GREB1L: variants seen among roughly 807,000 people sequenced by gnomAD.
The protein encoded by GREB1L is GREB1-like protein.
A neutral mutation model predicts 200.8 loss-of-function variants in GREB1L; 17 were observed. The ratio of observed to expected loss-of-function variants is 0.08; its 90% CI spans 0.06 to 0.13. The LOEUF is 0.13. Among genes scored for constraint, GREB1L ranks in the 10% least tolerant of loss-of-function variants. GREB1L has a pLI of 1.00. For synonymous variants in GREB1L, 789 were observed against 893.0 expected, an observed-to-expected ratio of 0.88 and a Z score of 2.08; for missense variants, 1,657 against 2,367.7, an observed-to-expected ratio of 0.70 and a Z score of 6.23.
In GREB1L at chr18:21,454,380, A is replaced by G. The variant is rs1378844394; in HGVS notation, c.1999A>G (p.Thr667Ala). Residue 667 changes from threonine (T) to alanine (A), a missense_variant, in exon 15 of 33, where the codon ACC (threonine) becomes GCC (alanine). Physicochemically the swap from Thr to Ala is moderately conservative, Grantham distance 58. Coordinates refer to ENST00000424526, the MANE Select transcript of GREB1L (RefSeq NM_001142966.3). ...TTAAATTTTAGATTTAGATAATGAA[A>G]CCTTCCACATTTATCAACCGCAGCT... ...PTQNLDLDNE[T>A]FHIYQPQLTV... 3 of 1,550,656 alleles carry G rather than the reference A, an allele frequency of 1.9e-6. No homozygotes were observed. Among genetic ancestry groups the G allele is most frequent in the Non-Finnish European group, 2.6e-6 (3 of 1,146,226 alleles).
intron 18 of GREB1L, 62 bp downstream of exon 18, chr18:21,485,815 C>T (rs1367539186): frequency 6.7e-7 from 1 of 1,502,524 alleles, no homozygotes; most frequent in Non-Finnish European, 9.0e-7. Flanking sequence ...CTAAAATAGC[C>T]AAAAGCCTTT....
chr18:21,243,031 TC>T (rs980628992), intron 1 of GREB1L, among the ~76,000 whole-genome samples: 7 of 152,118 alleles, frequency 4.6e-5, no homozygotes, highest in Non-Finnish European at 8.8e-5. Flanking sequence ...GCGCGTGTCT[TC>T]CGGCCAGCAT....
At chr18:21,482,422 T>C (rs894625079) in intron 17 of GREB1L, among the ~76,000 whole-genome samples, 4 of 152,146 alleles carry the variant, frequency 2.6e-5, no homozygotes, top group African/African-American at 9.7e-5. Context: ...CACGCTCGGC[T>C]AATTTTTTAT....
chr18:21,276,229 T>C (rs2038161087), intron 1 of GREB1L, among the ~76,000 whole-genome samples: 1 of 152,220 alleles, frequency 6.6e-6, no homozygotes, highest in Non-Finnish European at 1.5e-5. Flanking sequence ...CGACACCACC[T>C]CTTCCGTGGT....
intron 28 of GREB1L, among the ~76,000 whole-genome samples, chr18:21,514,628 T>TTTGTAGAGATGTTGCCCAGTCTGGTG (rs2037353772): frequency 2.0e-5 from 3 of 152,320 alleles, no homozygotes; most frequent in Admixed American, 6.5e-5. Flanking sequence ...TTTATAATTT[T>TTTGTAGAGATGTTGCCCAGTCTGGTG]TTGTAGAGAT....
intron 1 of GREB1L, among the ~76,000 whole-genome samples, chr18:21,302,563 C>T (rs2038634356): frequency 6.6e-6 from 1 of 152,172 alleles, no homozygotes; most frequent in Admixed American, 6.5e-5. Flanking sequence ...AGAAGGACTT[C>T]CTTACTGTAC....
intron 1 of GREB1L, among the ~76,000 whole-genome samples, chr18:21,333,577 A>C (rs1293359208): frequency 2.6e-5 from 4 of 151,994 alleles, no homozygotes; most frequent in African/African-American, 9.7e-5. Flanking sequence ...TGGGAGGCTA[A>C]GGCAGGAGAA....
rs1272721505 is a variant in GREB1L, at chr18:21,518,150, C to T, written c.5388C>T (p.Ala1796=). Residue 1796 remains alanine, a synonymous_variant, in exon 31 of 33, where the codon GCC becomes GCT. Transcript: ENST00000424526. ...TCCTGGAGAAATTCCTTCAGCACGC[C>T]TCATATAAACTCTTCCCCAAAGCCA... ...QFLLEKFLQH[A]SYKLFPKAIH... is the part of the protein sequence containing the mutation. The T allele has an allele frequency of 1.3e-6, 2 of 1,551,564 alleles. No homozygotes were observed. Among genetic ancestry groups the T allele is most frequent in the East Asian group, 2.4e-5 (1 of 40,932 alleles).
At chr18:21,422,331 A>T (rs1300189772) in intron 7 of GREB1L, among the ~76,000 whole-genome samples, 1 of 152,178 alleles carries the variant, frequency 6.6e-6, no homozygotes, top group Non-Finnish European at 1.5e-5. Context: ...ATATTTCAAA[A>T]ATACCTATGT....
intron 25 of GREB1L, among the ~76,000 whole-genome samples, chr18:21,506,279 C>T (rs543299470): frequency 6.6e-6 from 1 of 152,102 alleles, no homozygotes; most frequent in African/African-American, 2.4e-5. Context: ...CCTGTAATCC[C>T]AGCTACTCAG....
intron 7 of GREB1L, among the ~76,000 whole-genome samples, chr18:21,406,696 G>A (rs746933413): frequency 1.4e-4 from 21 of 152,140 alleles, no homozygotes; most frequent in Non-Finnish European, 2.8e-4. Flanking sequence ...GTCAGTGACT[G>A]TCTGTAATCA....
At chr18:21,421,229 C>T (rs2032120311) in intron 7 of GREB1L, among the ~76,000 whole-genome samples, 1 of 152,142 alleles carries the variant, frequency 6.6e-6, no homozygotes, top group Non-Finnish European at 1.5e-5. Flanking sequence ...ATATGTCAAA[C>T]TTACCAAATT....
At chr18:21,514,780 C>T (rs1296722317) in intron 28 of GREB1L, among the ~76,000 whole-genome samples, 1 of 152,174 alleles carries the variant, frequency 6.6e-6, no homozygotes, top group East Asian at 1.9e-4. Context: ...GTCATCTCAC[C>T]TCTCCATATC....
At chr18:21,350,839 C>T (rs759378827) in intron 1 of GREB1L, among the ~76,000 whole-genome samples, 1 of 152,050 alleles carries the variant, frequency 6.6e-6, no homozygotes, top group African/African-American at 2.4e-5. Context: ...GGAGAAAATC[C>T]GTAAAAAACC....
intron 7 of GREB1L, among the ~76,000 whole-genome samples, chr18:21,413,468 G>A (rs912756678): frequency 6.6e-6 from 1 of 152,190 alleles, no homozygotes; most frequent in Non-Finnish European, 1.5e-5. Context: ...TGAATACTCA[G>A]TTAATGCTTT....
In GREB1L at chr18:21,410,638, G is replaced by GA. The variant is rs200949253; in HGVS notation, c.832+6655dup. On this transcript the variant is annotated intron_variant, in intron 7 of 32. Coordinates refer to ENST00000424526, the MANE Select transcript of GREB1L (RefSeq NM_001142966.3). ...CCACTGCACTCCAGCCTGGGAGACAGAAAAAAAAAAAGACAAAGTGTTGAT... is the reference window on the plus strand; with the variant it reads ...CCACTGCACTCCAGCCTGGGAGACAGAAAAAAAAAAAAGACAAAGTGTTGAT... Among the ~76,000 whole-genome samples, 239 of 128,756 alleles carry GA rather than the reference G, an allele frequency of 1.9e-3. 3 individuals are homozygous for GA. The East Asian group carries it at 0.023, about 12-fold the overall frequency. The allele number at this position is 128,756 out of a possible 152,430, so 84.5% of individuals were successfully genotyped here.
In GREB1L at chr18:21,412,929, A is replaced by G. The variant is rs760463368; in HGVS notation, c.832+8935A>G. 3.0e-4 allele frequency among the ~76,000 whole-genome samples: 45 copies of G among 152,104 alleles called. 1 individual carries two copies. Among genetic ancestry groups the G allele is most frequent in the African/African-American group, 1.0e-3 (42 of 41,482 alleles). On this transcript the variant is annotated intron_variant, in intron 7 of 32. Transcript: ENST00000424526. ...AAGTAGTATCATAGGCAGGGATGCT[A>G]TGGTGTAATAATAATGTTTGTGTCT...
intron 1 of GREB1L, among the ~76,000 whole-genome samples, chr18:21,294,805 A>G (rs1182274499): frequency 1.3e-5 from 2 of 152,198 alleles, no homozygotes; most frequent in African/African-American, 4.8e-5. Context: ...AGGCCTAGAA[A>G]GTTAAAGAAA....
chr18:21,339,044 T>G (rs1353203870), intron 1 of GREB1L, among the ~76,000 whole-genome samples: 2 of 151,956 alleles, frequency 1.3e-5, no homozygotes, highest in Non-Finnish European at 2.9e-5. Context: ...CAAAAATTCC[T>G]GGCGTGGTGG....
Sources: allele counts gnomAD v4.1 joint callset (sites outside exome capture counted in the v4.1 genomes callset), GRCh38; gene constraint gnomAD v4.1.1; transcripts MANE v1.5; gene names NCBI Gene and HGNC (gene_info 2026-07-23, HGNC 2026-07-21).